The following ADCY7 variants were observed in gnomAD, a reference collection of about 807,000 sequenced individuals.
ADCY7 encodes adenylate cyclase type 7.
A neutral mutation model predicts 120.6 loss-of-function variants in ADCY7; 72 were observed. That is an observed-to-expected ratio of 0.60 (90% confidence interval 0.49 to 0.73). The LOEUF (loss-of-function observed/expected upper bound fraction) is 0.73, where lower values mean the gene tolerates loss of function less well. Among genes scored for constraint, ADCY7 ranks in the 30% least tolerant of loss-of-function variants. The pLI is 0.00. For synonymous variants in ADCY7, 661 were observed against 628.0 expected (o/e 1.05, Z -0.78); for missense variants, 1,227 against 1,486.0 (o/e 0.83, Z 2.87).
At chr16:50,284,620 T>C (rs2034470189) in intron 1 of ADCY7, among the ~76,000 whole-genome samples, 1 of 152,208 alleles carries the variant, frequency 6.6e-6, no homozygotes, top group South Asian at 2.1e-4. Context: ...CCTGGTGCAC[T>C]GGTGTTTGGC....
Position 50,315,035 on chromosome 16 carries a change from T to C in ADCY7, c.2993T>C (p.Ile998Thr). Residue 998 changes from isoleucine (I) to threonine (T), a missense_variant, in exon 25 of 26, where the codon ATT (isoleucine) becomes ACT (threonine). Physicochemically the swap from Ile to Thr is moderately conservative, Grantham distance 89 (BLOSUM62 -1). Coordinates refer to ENST00000673801, the MANE Select transcript of ADCY7 (RefSeq NM_001114.5). ...LRVGINHGPV[I>T]AGVIGARKPQ... Reference sequence around the variant, plus strand: ...TCAGGCATAAACCATGGGCCTGTGATTGCTGGAGTGATTGGGGCCCGAAAA... The same window carrying C: ...TCAGGCATAAACCATGGGCCTGTGACTGCTGGAGTGATTGGGGCCCGAAAA... 3 of 1,614,222 alleles carry C rather than the reference T, an allele frequency of 1.9e-6. No individual in the cohort carries two copies. The highest frequency in any genetic ancestry group is 2.5e-6 in the Non-Finnish European group (3 of 1,180,032).
chr16:50,309,491 T>C, intron 17 of ADCY7, 57 bp from the exon 18 acceptor site: 2 of 1,474,820 alleles, frequency 1.4e-6, no homozygotes, highest in East Asian at 4.6e-5. Flanking sequence ...CTTGCATGGC[T>C]TGGGCAGGTT....
intron 11 of ADCY7, 88 bp downstream of exon 11, chr16:50,304,639 A>C: frequency 1.5e-6 from 2 of 1,328,344 alleles, no homozygotes; most frequent in Non-Finnish European, 2.1e-6. Context: ...CTGCCCTCTC[A>C]GCCTCACTGT....
chr16:50,300,897 A>G (rs1297385104), intron 9 of ADCY7, 24 bp downstream of exon 9: 3 of 1,551,900 alleles, frequency 1.9e-6, no homozygotes, highest in South Asian at 1.2e-5. Flanking sequence ...GGGTAGCCGC[A>G]GGGACAGAGG....
At chr16:50,275,423 G>A (rs2150863491) in intron 1 of ADCY7, among the ~76,000 whole-genome samples, 1 of 152,304 alleles carries the variant, frequency 6.6e-6, no homozygotes, top group South Asian at 2.1e-4. Context: ...CTTAGGGGAG[G>A]AGTTCCTAGG....
intron 1 of ADCY7, among the ~76,000 whole-genome samples, chr16:50,275,000 G>A (rs553153078): frequency 1.4e-4 from 22 of 152,330 alleles, no homozygotes; most frequent in African/African-American, 4.6e-4. Flanking sequence ...AGGCAGGTGG[G>A]CCACTCCTCT....
chr16:50,255,295 AAT>A (rs1346818689), intron 1 of ADCY7, among the ~76,000 whole-genome samples: 3 of 148,354 alleles, frequency 2.0e-5, no homozygotes, highest in Non-Finnish European at 3.0e-5. Context: ...AGCCAATTAA[AAT>A]ATATATATAT....
At chr16:50,310,977 G>A (rs1567580532) in intron 19 of ADCY7, 97 bp downstream of exon 19, 2 of 1,283,518 alleles carry the variant, frequency 1.6e-6, no homozygotes, top group East Asian at 2.5e-5. Context: ...CATGGGGAGT[G>A]GGCACCTTGC....
At chr16:50,308,015 A>C (rs1054827289) in intron 15 of ADCY7, among the ~76,000 whole-genome samples, 2 of 151,760 alleles carry the variant, frequency 1.3e-5, no homozygotes, top group African/African-American at 4.8e-5. Context: ...AAAAAAAAAA[A>C]ACGAAGAAAG....
chr16:50,291,834 C>T lies in ADCY7; in HGVS notation c.474C>T (p.His158=). The T allele has an allele frequency of 1.2e-6, 2 of 1,614,066 alleles. No homozygotes were observed. Among genetic ancestry groups the T allele is most frequent in the Middle Eastern group, 1.7e-4 (1 of 6,058 alleles). The change falls in exon 4 of 26, where the codon CAC becomes CAT. Residue 158 remains histidine, a synonymous_variant. Transcript: ENST00000673801. ...VAVGAVSTAS[H]LLVLGSLMGG... is the part of the protein sequence containing the mutation. ...TTGGGGCCGTCTCCACTGCCTCCCA[C>T]CTCCTGGTGCTCGGTTCTTTGATGG...
At chr16:50,249,208 G>A (rs2032678942) in intron 1 of ADCY7, among the ~76,000 whole-genome samples, 2 of 152,180 alleles carry the variant, frequency 1.3e-5, no homozygotes, top group Admixed American at 1.3e-4. Flanking sequence ...AGGAGGCTGA[G>A]GCAGGCAGAT....
At chr16:50,294,221 G>A (rs1301986029) in intron 6 of ADCY7, among the ~76,000 whole-genome samples, 2 of 152,310 alleles carry the variant, frequency 1.3e-5, no homozygotes, top group South Asian at 4.1e-4. Context: ...GCTGTGTGAG[G>A]ACTCGATGCC....
chr16:50,311,799 G>GCCCCCCC lies in ADCY7; in HGVS notation c.2448+23_2448+29dup. The GCCCCCCC allele has an allele frequency of 1.1e-6, 1 of 893,476 alleles. No individual in the cohort carries two copies. The highest frequency in any genetic ancestry group is 1.6e-6 in the Non-Finnish European group (1 of 642,280). The allele number at this position is 893,476 out of a possible 1,614,324, so 55.3% of individuals were successfully genotyped here. ...ACTCTCCAGACAGGTAAGGAGGCTGGCCCCCCCCCCCCCCCCAAGCTCTGC... is the reference window on the plus strand; with the variant it reads ...ACTCTCCAGACAGGTAAGGAGGCTGGCCCCCCCCCCCCCCCCCCCCCCCAAGCTCTGC... On this transcript the variant is annotated intron_variant, in intron 20 of 25. Transcript: ENST00000673801.
chr16:50,246,023 G>A (rs1357605277), upstream of ADCY7: 4 of 150,760 alleles, frequency 2.7e-5, no homozygotes, highest in African/African-American at 4.8e-5. Context: ...CGGCCTCCTG[G>A]GCGCCCCCCA....
At chr16:50,270,756 A>G (rs1461459383) in intron 1 of ADCY7, among the ~76,000 whole-genome samples, 2 of 152,216 alleles carry the variant, frequency 1.3e-5, no homozygotes, top group Non-Finnish European at 2.9e-5. Context: ...CCTTATCTGT[A>G]AAATGGGGCT....
intron 1 of ADCY7, among the ~76,000 whole-genome samples, chr16:50,280,779 G>T (rs1316495027): frequency 2.0e-5 from 3 of 152,150 alleles, no homozygotes; most frequent in Non-Finnish European, 4.4e-5. Context: ...GGCCAGAGCT[G>T]GCCTCAGAGG....
In ADCY7 at chr16:50,297,019, C is replaced by T. The variant is rs2035397249; in HGVS notation, c.949-1885C>T. Among the ~76,000 whole-genome samples, 1 of 152,198 alleles carries T rather than the reference C, an allele frequency of 6.6e-6. No individual in the cohort carries two copies. The highest frequency in any genetic ancestry group is 2.1e-4 in the South Asian group (1 of 4,836). On this transcript the variant is annotated intron_variant, in intron 7 of 25. Coordinates refer to ENST00000673801, the MANE Select transcript of ADCY7 (RefSeq NM_001114.5). The surrounding 1 kb of genome is among the most constrained non-coding windows in gnomAD (Gnocchi z 4.4). ...GCCCTGGGCTCGGGCCACAGCTGGCCCTTTCCTTACCATAAAGCCCACACA... is the reference window on the plus strand; with the variant it reads ...GCCCTGGGCTCGGGCCACAGCTGGCTCTTTCCTTACCATAAAGCCCACACA...
At chr16:50,305,309 G>C (rs530441827) in intron 12 of ADCY7, among the ~76,000 whole-genome samples, 194 bp from the exon 13 acceptor site, 3 of 152,338 alleles carry the variant, frequency 2.0e-5, no homozygotes, top group Admixed American at 6.5e-5. Flanking sequence ...CTCTGGCTTG[G>C]CTGCTGGCCA....
At chr16:50,307,646 A>C (rs917399986) in intron 15 of ADCY7, among the ~76,000 whole-genome samples, 10 of 152,136 alleles carry the variant, frequency 6.6e-5, no homozygotes, top group African/African-American at 2.4e-4. Flanking sequence ...TGCTTTCTAG[A>C]AGAGCAGTTA....
Sources: gnomAD v4.1 joint callset for allele counts (sites outside exome capture counted in the v4.1 genomes callset) on GRCh38, gnomAD v4.1.1 for gene constraint, Gnocchi (gnomAD v3.1) non-coding constraint, MANE v1.5 for transcripts, NCBI Gene and HGNC (gene_info 2026-07-23, HGNC 2026-07-21) for gene names.